Variants in LRP5 observed in about 807,000 individuals in gnomAD.
LRP5 encodes the protein LDL receptor related protein 5, also known as low-density lipoprotein receptor-related protein 5.
In LRP5, 62 loss-of-function variants were observed where a neutral mutation model predicts 154.1. The observed-to-expected ratio is 0.40, with a 90% CI of 0.33 to 0.50. The LOEUF is 0.50. LRP5 is among the 20% of genes least tolerant of loss of function. The pLI, the probability that LRP5 is intolerant of heterozygous loss-of-function variation, is 0.55. For synonymous variants in LRP5, 966 were observed against 1,011.5 expected (o/e 0.96, Z 0.85); for missense variants, 1,915 against 2,336.7 (o/e 0.82, Z 3.72).
At chr11:68,436,848 G>C in intron 18 of LRP5, 41 bp from the exon 19 acceptor site, 1 of 1,478,312 alleles carries the variant, frequency 6.8e-7, no homozygotes, top group Non-Finnish European at 9.4e-7. Context: ...GGGCTGGGGG[G>C]CACCCTCCAG....
At chr11:68,391,902 C>T (rs1388626811) in intron 7 of LRP5, among the ~76,000 whole-genome samples, 1 of 152,202 alleles carries the variant, frequency 6.6e-6, no homozygotes, top group East Asian at 1.9e-4. Flanking sequence ...AGTGCAGTGG[C>T]GCAATCACGG....
intron 18 of LRP5, among the ~76,000 whole-genome samples, 188 bp downstream of exon 18, chr11:68,434,026 T>G (rs1292593423): frequency 1.3e-5 from 2 of 152,104 alleles, no homozygotes; most frequent in Non-Finnish European, 2.9e-5. Flanking sequence ...TCCCACCAGG[T>G]AGTGTGGCTT....
intron 7 of LRP5, among the ~76,000 whole-genome samples, chr11:68,402,638 C>T (rs544815655): frequency 6.6e-6 from 1 of 152,062 alleles, no homozygotes; most frequent in East Asian, 1.9e-4. Context: ...GCCCCAGGTC[C>T]TTATATTTGC....
At chr11:68,341,371 G>A (rs1053030269) in intron 1 of LRP5, among the ~76,000 whole-genome samples, 3 of 151,976 alleles carry the variant, frequency 2.0e-5, no homozygotes, top group Non-Finnish European at 4.4e-5. Context: ...CAGAACTGAG[G>A]CTCCAAGGTG....
At chr11:68,416,999 A>G (rs922957243) in intron 13 of LRP5, among the ~76,000 whole-genome samples, 2 of 152,234 alleles carry the variant, frequency 1.3e-5, no homozygotes, top group South Asian at 4.1e-4. Flanking sequence ...ATCTCCATCA[A>G]TGACATGTAA....
intron 3 of LRP5, among the ~76,000 whole-genome samples, chr11:68,362,109 A>T (rs932947405): frequency 6.6e-6 from 1 of 152,266 alleles, no homozygotes; most frequent in African/African-American, 2.4e-5. Context: ...GGGATGAAGC[A>T]CTGACATGCT....
rs1207559804 is a variant in LRP5, at chr11:68,386,775, T to C, written c.1412+63T>C. On this transcript the variant is annotated intron_variant, in intron 6 of 22. Coordinates refer to ENST00000294304, the MANE Select transcript of LRP5 (RefSeq NM_002335.4). This position sits in a 1 kb window ranked among gnomAD's most constrained non-coding sequence, Gnocchi z 7.9. ...AGGCCAAGCACAGGCGAGAGGGAGA[T>C]TGACCTGGACCTGTCATTCTGGGAC... 3 of 1,549,864 alleles carry C rather than the reference T, an allele frequency of 1.9e-6. No homozygotes were observed. In the African/African-American group the frequency reaches 4.1e-5, roughly 21 times the overall value.
At chr11:68,445,734 T>C (rs781711550) in intron 21 of LRP5, 2 of 1,175,382 alleles carry the variant, frequency 1.7e-6, no homozygotes, top group Non-Finnish European at 2.3e-6. Context: ...GGTCCCTTCC[T>C]CCCTTTGTAG....
Position 68,447,355 on chromosome 11 carries a change from C to T in LRP5, c.4586+822C>T, listed in dbSNP as rs1399719904. Among the ~76,000 whole-genome samples, 1 of 152,214 alleles carries T rather than the reference C, an allele frequency of 6.6e-6. No individual in the cohort carries two copies. The highest frequency in any genetic ancestry group is 1.5e-5 in the Non-Finnish European group (1 of 68,036). Reference sequence around the variant, plus strand: ...CACGCATTCCTCATTGCTTGGGTCCCTGGAGCAGCAGGGCCTCCCGAGTGT... The same window carrying T: ...CACGCATTCCTCATTGCTTGGGTCCTTGGAGCAGCAGGGCCTCCCGAGTGT... On this transcript the variant is annotated intron_variant, in intron 22 of 22. Transcript: ENST00000294304. The surrounding 1 kb of genome is among the most constrained non-coding windows in gnomAD (Gnocchi z 4.3).
rs761823230 is a variant in LRP5, at chr11:68,393,129, G to GA, written c.1584+3087dup. Among the ~76,000 whole-genome samples, 509 of 142,988 alleles carry GA rather than the reference G, an allele frequency of 3.6e-3. 6 individuals carry two copies. The highest frequency in any genetic ancestry group is 0.011 in the African/African-American group (415 of 38,348). 93.8% of individuals were successfully genotyped at this position (142,988 alleles called of 152,430 possible). On this transcript the variant is annotated intron_variant, in intron 7 of 22. Transcript: ENST00000294304. The stretch of plus-strand genomic sequence containing the variant: ...TGGACAACAGAGCAAGACCCTGTCT[G>GA]AAAAAAAAAACAAAAAAAAAAGTTC...
rs766190823 is a variant in LRP5 at position 68,329,341 on chromosome 11, G to T, written c.91+16536G>T. On this transcript the variant is annotated intron_variant, in intron 1 of 22. Coordinates refer to ENST00000294304, the MANE Select transcript of LRP5 (RefSeq NM_002335.4). ...AATCCTTCCAGCTGCCCTGTGGGCT[G>T]GGGGCCATCCCTACCCTCATTTTAC... 3.9e-5 allele frequency among the ~76,000 whole-genome samples: 6 copies of T among 152,304 alleles called. No individual in the cohort carries two copies. The South Asian group carries it at 8.3e-4, about 21-fold the overall frequency.
At chr11:68,315,944 A>C (rs2098593082) in intron 1 of LRP5, among the ~76,000 whole-genome samples, 2 of 151,930 alleles carry the variant, frequency 1.3e-5, no homozygotes, top group African/African-American at 4.8e-5. Flanking sequence ...TTTTTTTTTA[A>C]ATTGAGGTGA....
chr11:68,378,812 G>A (rs2098638800), intron 5 of LRP5, among the ~76,000 whole-genome samples: 1 of 151,994 alleles, frequency 6.6e-6, no homozygotes, highest in Non-Finnish European at 1.5e-5. Flanking sequence ...CTGGAGTTGG[G>A]GTTGGGGGGT....
chr11:68,398,762 G>T (rs1193460831), intron 7 of LRP5, among the ~76,000 whole-genome samples: 1 of 152,066 alleles, frequency 6.6e-6, no homozygotes, highest in African/African-American at 2.4e-5. Context: ...TTGAGACAGG[G>T]TCTCGCTCTG....
intron 12 of LRP5, 104 bp downstream of exon 12, chr11:68,414,116 A>G (rs1242608378): frequency 8.9e-7 from 1 of 1,126,352 alleles, no homozygotes; most frequent in Non-Finnish European, 1.3e-6. Flanking sequence ...CTGGGTGTAC[A>G]TAGATGGTTG....
intron 21 of LRP5, among the ~76,000 whole-genome samples, chr11:68,443,239 G>GC (rs1405307924): frequency 2.0e-5 from 3 of 151,812 alleles, no homozygotes; most frequent in African/African-American, 7.3e-5. Context: ...GTGATGGCTT[G>GC]CAGCTGTAAT....
At chr11:68,323,608 T>C (rs915522904) in intron 1 of LRP5, among the ~76,000 whole-genome samples, 6 of 151,872 alleles carry the variant, frequency 4.0e-5, no homozygotes, top group African/African-American at 1.5e-4. Context: ...TTTGTAGAAA[T>C]GGGGTCCCTC....
At chr11:68,412,222 G>A (rs114719633) in intron 11 of LRP5, among the ~76,000 whole-genome samples, 1,822 of 152,260 alleles carry the variant, frequency 0.012, 31 homozygotes, top group African/African-American at 0.041. Flanking sequence ...AAAGGGGACC[G>A]CACACTCTGT....
intron 4 of LRP5, 115 bp downstream of exon 4, chr11:68,364,058 G>C (rs1006454451): frequency 2.1e-6 from 1 of 487,530 alleles, no homozygotes; most frequent in East Asian, 4.0e-5. Context: ...TGGGTGGGGT[G>C]GGGGGGCAGG....
Sources: gnomAD v4.1 joint callset for allele counts (sites outside exome capture counted in the v4.1 genomes callset) on GRCh38, gnomAD v4.1.1 for gene constraint, Gnocchi (gnomAD v3.1) non-coding constraint, MANE v1.5 for transcripts, NCBI Gene and HGNC (gene_info 2026-07-23, HGNC 2026-07-21) for gene names.